Variants in NTN1 observed in about 807,000 individuals in gnomAD.
The protein encoded by NTN1 is netrin 1.
NTN1 carries 11 observed loss-of-function variants against 54.2 expected under a neutral mutation model. That is an observed-to-expected ratio of 0.20 (90% CI 0.13 to 0.34). NTN1 has a LOEUF of 0.34. Among genes scored for constraint, NTN1 ranks in the 10% least tolerant of loss-of-function variants. The pLI, the probability that NTN1 is intolerant of heterozygous loss-of-function variation, is 1.00. For missense variants in NTN1, 740 were observed against 893.1 expected, an observed-to-expected ratio of 0.83 and a Z score of 2.18; for synonymous variants, 371 against 382.0, an observed-to-expected ratio of 0.97 and a Z score of 0.33.
intron 5 of NTN1, among the ~76,000 whole-genome samples, chr17:9,210,420 GCACACACACACACACCCCCACACC>G (rs1227206938): frequency 2.5e-5 from 3 of 118,462 alleles, no homozygotes; most frequent in African/African-American, 1.1e-4. Context: ...ACATGTGCGT[GCACACACACACACACCCCCACACC>G]CACACACACA....
intron 6 of NTN1, among the ~76,000 whole-genome samples, chr17:9,228,506 C>A (rs1216929114): frequency 6.6e-6 from 1 of 152,158 alleles, no homozygotes; most frequent in Non-Finnish European, 1.5e-5. Flanking sequence ...CTCAGGTGGC[C>A]TGGGTGCTGC....
intron 5 of NTN1, among the ~76,000 whole-genome samples, chr17:9,189,284 G>A (rs1021447713): frequency 5.9e-5 from 9 of 152,210 alleles, no homozygotes; most frequent in East Asian, 3.8e-4. Flanking sequence ...CTGGGATCCC[G>A]GCCGTGGTTG....
intron 5 of NTN1, among the ~76,000 whole-genome samples, chr17:9,186,253 G>A (rs2092432606): frequency 6.6e-6 from 1 of 152,226 alleles, no homozygotes; most frequent in Non-Finnish European, 1.5e-5. Flanking sequence ...TGGGAGAGGT[G>A]CATGACTGGC....
At chr17:9,207,407 A>G (rs1157393562) in intron 5 of NTN1, among the ~76,000 whole-genome samples, 1 of 152,206 alleles carries the variant, frequency 6.6e-6, no homozygotes, top group Non-Finnish European at 1.5e-5. Context: ...ACTAGAGTAA[A>G]GATAATGAGA....
chr17:9,078,094 A>G (rs1269950593), intron 2 of NTN1, among the ~76,000 whole-genome samples: 2 of 152,092 alleles, frequency 1.3e-5, no homozygotes, highest in African/African-American at 4.8e-5. Context: ...CCATCCATCC[A>G]TCCACCCAGT....
rs1004872609 is a variant in NTN1 at position 9,023,369 on chromosome 17, C to T, written c.996C>T (p.Ala332=). ...ACCGGCCCTGGCAGCGCGCCACAGC[C>T]CGCGAAGCCAACGAGTGCGTGGGTG... The part of the protein sequence containing the change: ...HYDRPWQRAT[A]REANECVACN... Residue 332 remains alanine, a synonymous_variant, in exon 2 of 7, where the codon GCC becomes GCT. Transcript: ENST00000173229. 2.0e-6 allele frequency: 3 copies of T among 1,478,348 alleles called. No individual in the cohort carries two copies. Among genetic ancestry groups the T allele is most frequent in the Middle Eastern group, 1.9e-4 (1 of 5,346 alleles). 91.6% of individuals were successfully genotyped at this position (1,478,348 alleles called of 1,614,324 possible). A position where few individuals can be genotyped will look rare whatever the true frequency, so the allele number is the denominator to read the frequency against.
At chr17:9,078,870 C>G (rs1597479835) in intron 2 of NTN1, among the ~76,000 whole-genome samples, 1 of 152,232 alleles carries the variant, frequency 6.6e-6, no homozygotes, top group East Asian at 1.9e-4. Flanking sequence ...CTCCAGGAGA[C>G]AGAGTTCAGC....
intron 6 of NTN1, among the ~76,000 whole-genome samples, chr17:9,233,820 C>G (rs1039215921): frequency 4.0e-5 from 6 of 150,592 alleles, no homozygotes; most frequent in African/African-American, 1.5e-4. Flanking sequence ...GAAGCAGCAG[C>G]TGAAAAGACA....
intron 2 of NTN1, among the ~76,000 whole-genome samples, chr17:9,127,595 C>T (rs534964800): frequency 2.6e-5 from 4 of 152,122 alleles, no homozygotes; most frequent in Non-Finnish European, 2.9e-5. Flanking sequence ...TGGACACACT[C>T]GGTGTCTACT....
At chr17:9,232,552 C>G (rs1472558205) in intron 6 of NTN1, among the ~76,000 whole-genome samples, 1 of 152,138 alleles carries the variant, frequency 6.6e-6, no homozygotes, top group African/African-American at 2.4e-5. Flanking sequence ...GAGGGGAAAC[C>G]TTCAGCCAGC....
At chr17:9,042,457 G>A in intron 2 of NTN1, among the ~76,000 whole-genome samples, 1 of 151,216 alleles carries the variant, frequency 6.6e-6, no homozygotes, top group East Asian at 1.9e-4. Context: ...AATAGCCACT[G>A]TACTCCACAA....
At chr17:9,162,752 C>A in intron 2 of NTN1, 61 bp from the exon 3 acceptor site, 1 of 1,511,104 alleles carries the variant, frequency 6.6e-7, no homozygotes, top group South Asian at 1.2e-5. Flanking sequence ...TTTTGACGCT[C>A]TTGGGTGCCT....
At chr17:9,101,570 T>C (rs940566028) in intron 2 of NTN1, among the ~76,000 whole-genome samples, 1 of 152,234 alleles carries the variant, frequency 6.6e-6, no homozygotes, top group Non-Finnish European at 1.5e-5. Context: ...CTGAGACTAA[T>C]CCAGTCCAGG....
chr17:9,080,692 C>T (rs1396228587), intron 2 of NTN1, among the ~76,000 whole-genome samples: 1 of 152,166 alleles, frequency 6.6e-6, no homozygotes, highest in Non-Finnish European at 1.5e-5. Context: ...CCTCTCCCTG[C>T]CCCACCTCCG....
rs547789822 is a variant in NTN1 at position 9,205,234 on chromosome 17, G to A, written c.1412-15934G>A. 5.3e-5 allele frequency among the ~76,000 whole-genome samples: 8 copies of A among 152,276 alleles called. No individual in the cohort carries two copies. In the South Asian group the frequency reaches 1.7e-3, roughly 32 times the overall value. On this transcript the variant is annotated intron_variant, in intron 5 of 6. Transcript: ENST00000173229. ...GGGCAGGAAGCCTCATGGACATGAG[G>A]GCACTATTTGGGGAAGGGTATGGTG... is the stretch of plus-strand genomic sequence containing the variant.
intron 5 of NTN1, among the ~76,000 whole-genome samples, chr17:9,193,938 A>AAAAAAAAAAAAC (rs796452392): frequency 1.2e-3 from 126 of 107,908 alleles, no homozygotes; most frequent in Non-Finnish European, 2.0e-3. Context: ...AAAAAAAAAA[A>AAAAAAAAAAAAC]AAAAAACATT....
the NTN1 span, among the ~76,000 whole-genome samples, chr17:9,010,689 C>A: frequency 2.0e-5 from 3 of 152,158 alleles, no homozygotes; most frequent in Admixed American, 6.5e-5. Context: ...GAAATTTATT[C>A]TCTCACAGTT....
intron 2 of NTN1, among the ~76,000 whole-genome samples, chr17:9,068,293 C>T (rs2142213229): frequency 6.6e-6 from 1 of 152,166 alleles, no homozygotes. Flanking sequence ...GTGATCCTCC[C>T]TCCTCAGCCT....
chr17:9,059,170 C>T (rs7210227), intron 2 of NTN1, among the ~76,000 whole-genome samples: 5 of 152,060 alleles, frequency 3.3e-5, no homozygotes, highest in South Asian at 4.1e-4. Flanking sequence ...TTTAATATGA[C>T]GGTGACTGAG....
Sources: gnomAD v4.1 joint callset for allele counts (sites outside exome capture counted in the v4.1 genomes callset) on GRCh38, gnomAD v4.1.1 for gene constraint, MANE v1.5 for transcripts, NCBI Gene and HGNC (gene_info 2026-07-23, HGNC 2026-07-21) for gene names.